The following KPNA7 variants were observed in gnomAD, a reference collection of about 807,000 sequenced individuals.
The protein encoded by KPNA7 is karyopherin subunit alpha 7.
Under a neutral mutation model 53.7 loss-of-function variants are expected in KPNA7, and 54 were observed. The ratio of observed to expected loss-of-function variants is 1.01; its 90% CI spans 0.81 to 1.26. The LOEUF is 1.26. Among genes scored for constraint, KPNA7 ranks in the 50% most tolerant of loss-of-function variants. The pLI, the probability that KPNA7 is intolerant of heterozygous loss-of-function variation, is 0.00. For missense variants in KPNA7, 640 were observed against 644.5 expected (o/e 0.99, Z 0.07); for synonymous variants, 276 against 259.3 (o/e 1.06, Z -0.62).
chr7:99,193,915 C>A (rs1014016742), intron 5 of KPNA7, among the ~76,000 whole-genome samples: 1 of 152,078 alleles, frequency 6.6e-6, no homozygotes, highest in African/African-American at 2.4e-5. Flanking sequence ...TGGGCTCAAG[C>A]CATCCTCCCA....
intron 1 of KPNA7, among the ~76,000 whole-genome samples, chr7:99,214,438 A>G (rs774382833): frequency 6.8e-6 from 1 of 147,842 alleles, no homozygotes; most frequent in Non-Finnish European, 1.5e-5. Flanking sequence ...GCAAGACCCT[A>G]TCTCAAAAAA....
chr7:99,206,281 C>T (rs1396573800), intron 2 of KPNA7, among the ~76,000 whole-genome samples: 2 of 152,134 alleles, frequency 1.3e-5, no homozygotes, highest in African/African-American at 4.8e-5. Flanking sequence ...CTGCTTCAGC[C>T]TCCCAAGTAG....
At chr7:99,195,025 C>A (rs1271965134) in intron 5 of KPNA7, 45 bp downstream of exon 5, 2 of 1,539,478 alleles carry the variant, frequency 1.3e-6, no homozygotes, top group South Asian at 1.2e-5. Flanking sequence ...TAGTATCCCA[C>A]ACACCTGGCC....
intron 5 of KPNA7, 125 bp from the exon 6 acceptor site, chr7:99,193,226 G>A (rs1790056522): frequency 1.8e-6 from 1 of 545,854 alleles, no homozygotes; most frequent in Non-Finnish European, 3.1e-6. Context: ...TAGCAAGTAG[G>A]TAGTAGAGCC....
At chr7:99,171,210 ACT>A (rs762560263), downstream of KPNA7, among the ~76,000 whole-genome samples, 19 of 152,146 alleles carry the variant, frequency 1.2e-4, no homozygotes, top group Admixed American at 5.9e-4. Context: ...ACAGAGCAAG[ACT>A]CTGTCTCAAA....
chr7:99,168,248 C>T, the KPNA7 span, among the ~76,000 whole-genome samples: 1 of 152,198 alleles, frequency 6.6e-6, no homozygotes, highest in African/African-American at 2.4e-5. Context: ...GCTGGTTAAA[C>T]ACATTGATAC....
At chr7:99,150,501 G>A in the KPNA7 span, among the ~76,000 whole-genome samples, 4 of 141,806 alleles carry the variant, frequency 2.8e-5, no homozygotes, top group Non-Finnish European at 6.0e-5. Context: ...CACAATCTCC[G>A]CCTCCTGGGT....
intron 9 of KPNA7, among the ~76,000 whole-genome samples, chr7:99,180,633 CTCTCTCTCCGTCTCTG>C (rs1799142563): frequency 1.4e-5 from 2 of 147,426 alleles, no homozygotes; most frequent in African/African-American, 2.5e-5. Context: ...CTCTCCCCGT[CTCTCTCTCCGTCTCTG>C]TCTCTCTCTC....
intron 2 of KPNA7, among the ~76,000 whole-genome samples, chr7:99,207,110 C>T (rs977349814): frequency 6.6e-6 from 1 of 152,088 alleles, no homozygotes; most frequent in Non-Finnish European, 1.5e-5. Context: ...TCTCAGCTCA[C>T]TGCAACCTCT....
intron 8 of KPNA7, 66 bp downstream of exon 8, chr7:99,184,863 G>T: frequency 1.5e-6 from 2 of 1,322,114 alleles, no homozygotes; most frequent in Non-Finnish European, 2.1e-6. Flanking sequence ...CTGGATTCCT[G>T]AAGGAGTTCA....
chr7:99,150,423 C>CTATTTTTTTT, the KPNA7 span, among the ~76,000 whole-genome samples: 1 of 132,446 alleles, frequency 7.6e-6, no homozygotes, highest in Admixed American at 8.2e-5. Flanking sequence ...TCATTCTTCT[C>CTATTTTTTTT]TTTTTTTTGA....
chr7:99,150,181 G>C, the KPNA7 span, among the ~76,000 whole-genome samples: 1 of 151,396 alleles, frequency 6.6e-6, no homozygotes, highest in Admixed American at 6.6e-5. Flanking sequence ...GGGAAGCCTT[G>C]ATCTCCTCAG....
At chr7:99,213,045 T>A (rs1282155035), upstream of KPNA7, among the ~76,000 whole-genome samples, 1 of 151,876 alleles carries the variant, frequency 6.6e-6, no homozygotes, top group Non-Finnish European at 1.5e-5. Flanking sequence ...TATTTCTAGG[T>A]CTCCAAGAGT....
chr7:99,161,268 T>TCTCCCC, the KPNA7 span, among the ~76,000 whole-genome samples: 6 of 123,002 alleles, frequency 4.9e-5, 1 homozygote, highest in African/African-American at 1.9e-4. Context: ...TCTCTCTCTC[T>TCTCCCC]CTGATCACTT....
downstream of KPNA7, chr7:99,173,517 A>G: frequency 1.9e-6 from 1 of 518,892 alleles, no homozygotes; most frequent in Non-Finnish European, 3.4e-6. Context: ...TAGGAGATGA[A>G]TTCCACATGG....
intron 2 of KPNA7, 129 bp downstream of exon 2, chr7:99,207,272 A>G (rs989124798): frequency 1.4e-6 from 1 of 736,692 alleles, no homozygotes; most frequent in African/African-American, 1.7e-5. Context: ...TGACCTTGTG[A>G]TCTGCCCGTC....
At chr7:99,163,881 C>T in the KPNA7 span, among the ~76,000 whole-genome samples, 1,776 of 152,150 alleles carry the variant, frequency 0.012, 34 homozygotes, top group African/African-American at 0.041. Context: ...GCAACAGGAA[C>T]CTACTCTGGC....
At chr7:99,208,357 G>A (rs868763103), upstream of KPNA7, among the ~76,000 whole-genome samples, 3 of 152,174 alleles carry the variant, frequency 2.0e-5, no homozygotes, top group Admixed American at 1.3e-4. Context: ...CCGGGTTCAC[G>A]CCATTCTCCT....
At chr7:99,180,204 A>G (rs1236637188) in intron 9 of KPNA7, among the ~76,000 whole-genome samples, 1 of 152,198 alleles carries the variant, frequency 6.6e-6, no homozygotes, top group African/African-American at 2.4e-5. Context: ...AAGCCTCCTC[A>G]GAAGCCAATC....
Sources: gnomAD v4.1 joint callset for allele counts (sites outside exome capture counted in the v4.1 genomes callset) on GRCh38, gnomAD v4.1.1 for gene constraint, MANE v1.5 for transcripts, NCBI Gene and HGNC (gene_info 2026-07-23, HGNC 2026-07-21) for gene names.